Variants in LARGE1 observed in about 807,000 individuals in gnomAD.
LARGE1 encodes the protein LARGE xylosyl- and glucuronyltransferase 1.
LARGE1 carries 43 observed loss-of-function variants against 87.6 expected under a neutral mutation model. The observed-to-expected ratio is 0.49, with a 90% CI of 0.38 to 0.63. The LOEUF (loss-of-function observed/expected upper bound fraction) is 0.63. LARGE1 is among the 30% of genes least tolerant of loss of function. The probability of loss-of-function intolerance (pLI) is 0.00; values close to 1 mark genes in which losing one functional copy is unlikely to be tolerated. For missense variants in LARGE1, 802 were observed against 1,000.2 expected (o/e 0.80, Z 2.67); for synonymous variants, 434 against 394.6 (o/e 1.10, Z -1.18).
chr22:33,370,522 G>T (rs2064769137), intron 9 of LARGE1, among the ~76,000 whole-genome samples: 2 of 152,128 alleles, frequency 1.3e-5, no homozygotes, highest in South Asian at 4.1e-4. Context: ...ATGTAAAAAG[G>T]TCCCAATTTT....
chr22:33,327,783 T>A (rs1321183667), intron 10 of LARGE1, among the ~76,000 whole-genome samples: 1 of 152,178 alleles, frequency 6.6e-6, no homozygotes, highest in African/African-American at 2.4e-5. Context: ...GCTCAAGTGA[T>A]CTTCCTGCCT....
At chr22:33,252,378 T>G (rs1482345849) in intron 11 of LARGE1, among the ~76,000 whole-genome samples, 1 of 152,034 alleles carries the variant, frequency 6.6e-6, no homozygotes. Context: ...TCTCCATCAT[T>G]TCTTAATGAG....
Position 33,705,489 on chromosome 22 carries a change from CAGCATGGA to C in LARGE1, c.107-54829_107-54822del, listed in dbSNP as rs138019343. Among the ~76,000 whole-genome samples, 909 of 152,270 alleles carry C rather than the reference CAGCATGGA, an allele frequency of 6.0e-3. 10 individuals are homozygous for C. Among genetic ancestry groups the C allele is most frequent in the African/African-American group, 0.021 (866 of 41,540 alleles). On this transcript the variant is annotated intron_variant, in intron 2 of 14. Coordinates refer to ENST00000397394, the MANE Select transcript of LARGE1 (RefSeq NM_133642.5). ...CACTGCTCACGTCTCTACTTCATTC[CAGCATGGA>C]ACTAAGCACTTCAGTTATTCTTTTC...
chr22:33,772,787 TGACTACTTTATATTCAAGGTATATCCA>T (rs2085111337), intron 1 of LARGE1, among the ~76,000 whole-genome samples: 1 of 152,062 alleles, frequency 6.6e-6, no homozygotes, highest in Admixed American at 6.6e-5. Flanking sequence ...GCATAAACCA[TGACTACTTTATATTCAAGGTATATCCA>T]GACGCATGGG....
chr22:33,580,324 C>T (rs2078479691), intron 5 of LARGE1, among the ~76,000 whole-genome samples: 1 of 150,744 alleles, frequency 6.6e-6, no homozygotes, highest in African/African-American at 2.4e-5. Context: ...GAGTCGAGAT[C>T]GCACCACTGC....
chr22:33,787,381 C>T (rs1315361972), intron 1 of LARGE1, among the ~76,000 whole-genome samples: 4 of 152,158 alleles, frequency 2.6e-5, no homozygotes, highest in African/African-American at 7.2e-5. Context: ...AAGACAGGAT[C>T]TTCATGGGTG....
At chr22:33,647,356 G>A (rs1394347844) in intron 3 of LARGE1, among the ~76,000 whole-genome samples, 1 of 152,184 alleles carries the variant, frequency 6.6e-6, no homozygotes, top group Non-Finnish European at 1.5e-5. Context: ...ACTAAGTTGT[G>A]TCAATAGGAT....
intron 12 of LARGE1, among the ~76,000 whole-genome samples, chr22:33,297,617 A>AG (rs1933493187): frequency 6.6e-6 from 1 of 150,992 alleles, no homozygotes; most frequent in African/African-American, 2.4e-5. Context: ...CTCAAAAAAA[A>AG]AAAAAAAAAA....
At chr22:33,121,229 G>T in the LARGE1 span, among the ~76,000 whole-genome samples, 1 of 152,152 alleles carries the variant, frequency 6.6e-6, no homozygotes, top group African/African-American at 2.4e-5. Flanking sequence ...CAGCTCAAAA[G>T]CATCCTGGCC....
At chr22:33,129,288 G>A in the LARGE1 span, among the ~76,000 whole-genome samples, 2 of 152,080 alleles carry the variant, frequency 1.3e-5, no homozygotes, top group Non-Finnish European at 2.9e-5. Context: ...GAGTTTCTTT[G>A]GGATGAAGAA....
rs539277385 is a variant in LARGE1 at position 33,613,513 on chromosome 22, CAG to C, written c.492-8957_492-8956del. On this transcript the variant is annotated intron_variant, in intron 4 of 14. Transcript: ENST00000397394. Reference sequence around the variant, plus strand: ...CACAAGTTTCTTCTATTTTTGGAAACAGAGTTTTCACTCTTTTTGCCCAGGCT... The same window carrying C: ...CACAAGTTTCTTCTATTTTTGGAAACAGTTTTCACTCTTTTTGCCCAGGCT... Among the ~76,000 whole-genome samples the C allele has an allele frequency of 2.9e-3, 435 of 152,270 alleles. 1 individual carries two copies. The highest frequency in any genetic ancestry group is 4.8e-3 in the Non-Finnish European group (327 of 68,018).
At chr22:33,169,065 T>A in intron 11 of LARGE1, among the ~76,000 whole-genome samples, 1 of 152,166 alleles carries the variant, frequency 6.6e-6, no homozygotes. Context: ...TATAAATGCC[T>A]AGGAAGCAAC....
intron 6 of LARGE1, among the ~76,000 whole-genome samples, chr22:33,479,745 CTT>C (rs35004846): frequency 1.3e-4 from 18 of 139,040 alleles, no homozygotes; most frequent in African/African-American, 1.6e-4. Context: ...AAAGTAATGA[CTT>C]TTTTTTTTTT....
At chr22:33,745,338 G>T (rs765295879) in intron 2 of LARGE1, among the ~76,000 whole-genome samples, 1 of 152,120 alleles carries the variant, frequency 6.6e-6, no homozygotes, top group Non-Finnish European at 1.5e-5. Context: ...CACTCTTGGT[G>T]ATCTTTGCTT....
At chr22:33,505,466 T>C (rs1255470833) in intron 6 of LARGE1, among the ~76,000 whole-genome samples, 2 of 152,162 alleles carry the variant, frequency 1.3e-5, no homozygotes, top group Non-Finnish European at 2.9e-5. Flanking sequence ...ACTGGGCTCG[T>C]TTCCCTGGAA....
At chr22:33,910,580 C>T (rs762771793) in intron 1 of LARGE1, among the ~76,000 whole-genome samples, 1 of 152,198 alleles carries the variant, frequency 6.6e-6, no homozygotes. Flanking sequence ...CAAGACGAGG[C>T]TCCTGAATGG....
At chr22:33,489,951 G>C (rs569150920) in intron 6 of LARGE1, among the ~76,000 whole-genome samples, 1 of 152,150 alleles carries the variant, frequency 6.6e-6, no homozygotes, top group Non-Finnish European at 1.5e-5. Context: ...GCCTGTCCCA[G>C]GGAAGGCAGT....
At chr22:33,694,565 T>C in intron 2 of LARGE1, among the ~76,000 whole-genome samples, 1 of 152,174 alleles carries the variant, frequency 6.6e-6, no homozygotes, top group Non-Finnish European at 1.5e-5. Context: ...TCACAATATG[T>C]TAGTAAAGTT....
Position 33,638,992 on chromosome 22 carries a change from G to A in LARGE1, c.408+11375C>T, listed in dbSNP as rs142811853. On this transcript the variant is annotated intron_variant, in intron 3 of 14. Coordinates refer to ENST00000397394, the MANE Select transcript of LARGE1 (RefSeq NM_133642.5). ...AATGCCTAGACGTTCCTCTCATTGA[G>A]AGATGGGTATGTGCTGAGTGGGCTT... Among the ~76,000 whole-genome samples the A allele has an allele frequency of 2.1e-4, 32 of 152,320 alleles. 2 individuals are homozygous for A. The East Asian group carries it at 5.2e-3, about 25-fold the overall frequency.
Sources: gnomAD v4.1 joint callset for allele counts (sites outside exome capture counted in the v4.1 genomes callset) on GRCh38, gnomAD v4.1.1 for gene constraint, MANE v1.5 for transcripts, NCBI Gene and HGNC (gene_info 2026-07-23, HGNC 2026-07-21) for gene names.